The following LRMDA variants were observed in gnomAD, a reference collection of about 807,000 sequenced individuals.
The protein encoded by LRMDA is leucine-rich melanocyte differentiation-associated protein.
A neutral mutation model predicts 29.8 loss-of-function variants in LRMDA; 18 were observed. That is an observed-to-expected ratio of 0.60 (90% CI 0.42 to 0.90). The LOEUF (loss-of-function observed/expected upper bound fraction) is 0.90, where lower values mean the gene tolerates loss of function less well. Among genes scored for constraint, LRMDA ranks in the 40% least tolerant of loss-of-function variants. The pLI is 0.00. For synonymous variants in LRMDA, 125 were observed against 109.4 expected (o/e 1.14, Z -0.89); for missense variants, 273 against 273.9 (o/e 1.00, Z 0.02).
intron 6 of LRMDA, among the ~76,000 whole-genome samples, chr10:76,379,913 GT>G (rs2132469704): frequency 6.6e-6 from 1 of 152,220 alleles, no homozygotes; most frequent in Admixed American, 6.5e-5. Context: ...TTGTGTCACT[GT>G]TTTCATTTGT....
At chr10:76,373,390 G>T (rs1411509298) in intron 6 of LRMDA, among the ~76,000 whole-genome samples, 1 of 151,894 alleles carries the variant, frequency 6.6e-6, no homozygotes. Context: ...TAAAAGATAA[G>T]ATTATAATAA....
intron 2 of LRMDA, among the ~76,000 whole-genome samples, chr10:75,807,645 G>A (rs532168381): frequency 5.6e-4 from 85 of 152,270 alleles, no homozygotes; most frequent in African/African-American, 7.7e-4. Flanking sequence ...AACAGTGGCC[G>A]AAAATGGCAG....
chr10:76,015,526 G>C (rs1299163463), intron 2 of LRMDA, among the ~76,000 whole-genome samples: 1 of 152,222 alleles, frequency 6.6e-6, no homozygotes, highest in Non-Finnish European at 1.5e-5. Flanking sequence ...GGCCCAGAAA[G>C]ACAGAAGTCA....
At chr10:76,486,375 T>C (rs914802307) in intron 6 of LRMDA, among the ~76,000 whole-genome samples, 3 of 151,946 alleles carry the variant, frequency 2.0e-5, no homozygotes, top group Non-Finnish European at 4.4e-5. Flanking sequence ...GATTATATTG[T>C]GGATCATTCT....
At chr10:76,369,965 A>G in intron 6 of LRMDA, among the ~76,000 whole-genome samples, 1 of 152,142 alleles carries the variant, frequency 6.6e-6, no homozygotes, top group East Asian at 1.9e-4. Flanking sequence ...TAGACAAATA[A>G]CAGTATCTGG....
intron 5 of LRMDA, among the ~76,000 whole-genome samples, chr10:76,238,857 C>T (rs1852214430): frequency 6.6e-6 from 1 of 151,712 alleles, no homozygotes; most frequent in African/African-American, 2.4e-5. Context: ...GCGACGGCAC[C>T]CTTACACACT....
At chr10:75,814,572 T>TCG (rs1564575251) in intron 2 of LRMDA, among the ~76,000 whole-genome samples, 1 of 148,940 alleles carries the variant, frequency 6.7e-6, no homozygotes, top group Non-Finnish European at 1.5e-5. Flanking sequence ...TCCCCAGCCT[T>TCG]GGCCCCGCCA....
chr10:76,531,927 A>T (rs1304309208), intron 6 of LRMDA, among the ~76,000 whole-genome samples: 2 of 152,190 alleles, frequency 1.3e-5, no homozygotes, highest in African/African-American at 4.8e-5. Context: ...TTCATGGGCC[A>T]ATAGTGAACT....
At chr10:75,677,999 CAT>C (rs1417585745) in intron 2 of LRMDA, among the ~76,000 whole-genome samples, 7 of 152,140 alleles carry the variant, frequency 4.6e-5, no homozygotes, top group East Asian at 1.9e-4. Flanking sequence ...TAAAATGTAA[CAT>C]GTGTTTCCCA....
intron 4 of LRMDA, 63 bp from the exon 5 acceptor site, chr10:76,058,603 C>A: frequency 7.6e-7 from 1 of 1,318,570 alleles, no homozygotes; most frequent in Non-Finnish European, 1.1e-6. Context: ...ATCAGACAAG[C>A]TGTCGGGATC....
At chr10:75,548,353 T>C (rs1840103330) in intron 2 of LRMDA, among the ~76,000 whole-genome samples, 1 of 152,190 alleles carries the variant, frequency 6.6e-6, no homozygotes, top group African/African-American at 2.4e-5. Flanking sequence ...TTAGCTAACA[T>C]CTTTCTATGC....
At chr10:75,462,920 G>A (rs1216116055) in intron 2 of LRMDA, among the ~76,000 whole-genome samples, 2 of 152,276 alleles carry the variant, frequency 1.3e-5, no homozygotes, top group Admixed American at 1.3e-4. Context: ...CTGATGAGAA[G>A]CATAATGAAA....
intron 6 of LRMDA, among the ~76,000 whole-genome samples, chr10:76,364,745 T>C (rs1036827074): frequency 4.6e-5 from 7 of 151,952 alleles, no homozygotes; most frequent in Admixed American, 1.3e-4. Context: ...ACAGGTGGTA[T>C]TTGGTACATG....
chr10:76,172,889 T>C (rs2132195126), intron 5 of LRMDA, among the ~76,000 whole-genome samples: 1 of 152,290 alleles, frequency 6.6e-6, no homozygotes, highest in South Asian at 2.1e-4. Flanking sequence ...ATTTATAATA[T>C]CTGGCATCAA....
intron 2 of LRMDA, among the ~76,000 whole-genome samples, chr10:75,905,547 A>C (rs767569705): frequency 5.3e-5 from 8 of 152,174 alleles, no homozygotes; most frequent in Non-Finnish European, 8.8e-5. Flanking sequence ...ATACCAAAAA[A>C]AAAAAGAGTC....
intron 5 of LRMDA, among the ~76,000 whole-genome samples, chr10:76,273,844 A>G (rs1840097734): frequency 1.3e-5 from 2 of 152,198 alleles, no homozygotes; most frequent in Admixed American, 1.3e-4. Flanking sequence ...CAAATGATCC[A>G]TGTAGAGTTC....
intron 6 of LRMDA, among the ~76,000 whole-genome samples, chr10:76,431,206 C>T (rs967533495): frequency 1.3e-5 from 2 of 152,186 alleles, no homozygotes; most frequent in Non-Finnish European, 2.9e-5. Context: ...AAGTAGAGAA[C>T]AAGCAAGATA....
At chr10:75,824,298 A>G (rs1000166029) in intron 2 of LRMDA, among the ~76,000 whole-genome samples, 4 of 152,056 alleles carry the variant, frequency 2.6e-5, no homozygotes, top group Non-Finnish European at 4.4e-5. Context: ...TCATATTTCT[A>G]TTGGGCAATG....
At chr10:75,686,274 G>A (rs1434166133) in intron 2 of LRMDA, among the ~76,000 whole-genome samples, 2 of 152,180 alleles carry the variant, frequency 1.3e-5, no homozygotes, top group Non-Finnish European at 2.9e-5. Flanking sequence ...GAGCTGGGTG[G>A]TGAGGCCGGG....
Sources: allele counts gnomAD v4.1 joint callset (sites outside exome capture counted in the v4.1 genomes callset), GRCh38; gene constraint gnomAD v4.1.1; transcripts MANE v1.5; gene names NCBI Gene and HGNC (gene_info 2026-07-23, HGNC 2026-07-21).